Variants in C1QTNF7 observed in about 807,000 individuals in gnomAD.
C1QTNF7 encodes the protein complement C1q tumor necrosis factor-related protein 7.
Under a neutral mutation model 19.6 loss-of-function variants are expected in C1QTNF7, and 15 were observed. That is an observed-to-expected ratio of 0.76 (90% CI 0.51 to 1.18). C1QTNF7 has a LOEUF of 1.18. C1QTNF7 is among the 50% of genes most tolerant of loss of function. C1QTNF7 has a pLI of 0.00. For synonymous variants in C1QTNF7, 142 were observed against 137.5 expected, an observed-to-expected ratio of 1.03 and a Z score of -0.23; for missense variants, 324 against 359.7, an observed-to-expected ratio of 0.90 and a Z score of 0.80.
rs75190848 is a variant in C1QTNF7 at position 15,351,215 on chromosome 4, T to G, written c.13+11008T>G. The stretch of plus-strand genomic sequence containing the variant: ...GCAAAGTATTGTTAAAATCATAAAA[T>G]ATAAGATTTTCTTTTCTGTCTTCTT... On this transcript the variant is annotated intron_variant, in intron 1 of 2. Coordinates refer to the C1QTNF7 transcript ENST00000295297. Among the ~76,000 whole-genome samples, 821 of 152,276 alleles carry G rather than the reference T, an allele frequency of 5.4e-3. 7 individuals are homozygous for G. The highest frequency in any genetic ancestry group is 0.019 in the African/African-American group (779 of 41,568).
intron 2 of C1QTNF7, among the ~76,000 whole-genome samples, chr4:15,439,202 C>T (rs1383499613): frequency 5.3e-5 from 8 of 152,186 alleles, no homozygotes; most frequent in African/African-American, 1.9e-4. Context: ...ATTCTTCATA[C>T]AAACAGGAAG....
At chr4:15,370,151 AG>A (rs1042969228) in intron 1 of C1QTNF7, among the ~76,000 whole-genome samples, 14 of 152,184 alleles carry the variant, frequency 9.2e-5, no homozygotes, top group African/African-American at 2.9e-4. Context: ...TGAAGAGGCT[AG>A]GGTATTTTTG....
At chr4:15,380,144 A>G (rs1442752944) in intron 1 of C1QTNF7, among the ~76,000 whole-genome samples, 2 of 152,232 alleles carry the variant, frequency 1.3e-5, no homozygotes, top group African/African-American at 4.8e-5. Context: ...GCAAACTACA[A>G]ATTGGGACAA....
chr4:15,377,337 T>C (rs1226841769), intron 1 of C1QTNF7, among the ~76,000 whole-genome samples: 1 of 152,202 alleles, frequency 6.6e-6, no homozygotes, highest in Non-Finnish European at 1.5e-5. Flanking sequence ...TCTTCAACTT[T>C]TGGCCCATGT....
chr4:15,385,932 C>T (rs1001134381), intron 1 of C1QTNF7, among the ~76,000 whole-genome samples: 5 of 152,172 alleles, frequency 3.3e-5, no homozygotes, highest in Non-Finnish European at 5.9e-5. Context: ...CATCATAACA[C>T]GATAATAAAA....
At chr4:15,436,040 C>T (rs1055917653) in intron 2 of C1QTNF7, 59 bp downstream of exon 2, 8 of 1,549,968 alleles carry the variant, frequency 5.2e-6, no homozygotes, top group Non-Finnish European at 6.1e-6. Flanking sequence ...AAACTGTTCC[C>T]CTTTCTTTGT....
chr4:15,410,723 TTAAAC>T (rs1335202103), intron 1 of C1QTNF7, among the ~76,000 whole-genome samples: 2 of 152,204 alleles, frequency 1.3e-5, no homozygotes, highest in Non-Finnish European at 2.9e-5. Flanking sequence ...GATTATGGTA[TTAAAC>T]TAACTAGGTG....
At chr4:15,360,619 A>C (rs1717307505) in intron 1 of C1QTNF7, among the ~76,000 whole-genome samples, 1 of 152,182 alleles carries the variant, frequency 6.6e-6, no homozygotes, top group Non-Finnish European at 1.5e-5. Context: ...CAAAAAGTAC[A>C]AAAATGCAAG....
chr4:15,391,389 G>T (rs907964023), intron 1 of C1QTNF7, among the ~76,000 whole-genome samples: 7 of 152,054 alleles, frequency 4.6e-5, no homozygotes, highest in African/African-American at 1.7e-4. Flanking sequence ...TGAAGATGCT[G>T]GAGCATGGGT....
At chr4:15,343,014 G>C (rs1716596901) in intron 1 of C1QTNF7, among the ~76,000 whole-genome samples, 1 of 152,154 alleles carries the variant, frequency 6.6e-6, no homozygotes, top group African/African-American at 2.4e-5. Flanking sequence ...GATTAAATTA[G>C]AGAGTCTGTG....
rs576600688 is a variant in C1QTNF7, at chr4:15,366,054, A to G, written c.13+25847A>G. Reference sequence around the variant, plus strand: ...ATGTCCACTACAGTGTACACAATGTAACACAGATCCCAGCACATGGAAGAT... The same window carrying G: ...ATGTCCACTACAGTGTACACAATGTGACACAGATCCCAGCACATGGAAGAT... On this transcript the variant is annotated intron_variant, in intron 1 of 2. Coordinates refer to the C1QTNF7 transcript ENST00000295297. Among the ~76,000 whole-genome samples the G allele has an allele frequency of 2.6e-5, 4 of 152,314 alleles. No homozygotes were observed. In the South Asian group the frequency reaches 8.3e-4, roughly 32 times the overall value.
chr4:15,380,317 G>T (rs547780452), intron 1 of C1QTNF7, among the ~76,000 whole-genome samples: 2 of 152,322 alleles, frequency 1.3e-5, no homozygotes, highest in South Asian at 4.1e-4. Flanking sequence ...CCCAGAGGAA[G>T]GTCTAAGAAT....
At position 15,348,586 on chromosome 4, in the gene C1QTNF7, C is replaced by T. The variant is rs1199879671; in HGVS notation, c.13+8379C>T. Among the ~76,000 whole-genome samples, 7 of 152,202 alleles carry T rather than the reference C, an allele frequency of 4.6e-5. No individual in the cohort carries two copies. In the East Asian group the frequency reaches 1.4e-3, roughly 30 times the overall value. On this transcript the variant is annotated intron_variant, in intron 1 of 2. Transcript: ENST00000295297. ...ATCAGTAAATAGGCAGGGCAGAGAC[C>T]CCAGAGACTTAGGTTGCATGCCTTA...
intron 1 of C1QTNF7, among the ~76,000 whole-genome samples, chr4:15,392,192 A>G (rs540364174): frequency 4.7e-4 from 72 of 152,286 alleles, no homozygotes; most frequent in African/African-American, 1.6e-3. Context: ...CTGAATTCCT[A>G]AACCCTCCAT....
At chr4:15,344,158 G>A (rs1716637880) in intron 1 of C1QTNF7, among the ~76,000 whole-genome samples, 1 of 152,242 alleles carries the variant, frequency 6.6e-6, no homozygotes, top group Admixed American at 6.5e-5. Flanking sequence ...CAAAGTGCAT[G>A]CATATGGTGC....
Position 15,435,875 on chromosome 4 carries a change from G to T in C1QTNF7, c.132G>T (p.Gly44=), listed in dbSNP as rs140262683. 3.3e-5 allele frequency: 53 copies of T among 1,613,898 alleles called. No individual in the cohort carries two copies. The African/African-American group carries it at 5.7e-4, about 17-fold the overall frequency. The change falls in exon 2 of 3, where the codon GGG becomes GGT. Residue 44 remains glycine (G), a synonymous_variant. Coordinates refer to ENST00000444304, the MANE Select transcript of C1QTNF7 (RefSeq NM_031911.5). ...CSIPGLPGPP[G]PPGANGSPGP... is the part of the protein sequence containing the mutation. ...TTCCTGGCTTGCCTGGACCTCCAGG[G>T]CCCCCTGGAGCAAATGGTTCCCCTG...
chr4:15,362,583 TA>T (rs1353328830), intron 1 of C1QTNF7: 1 of 152,208 alleles, frequency 6.6e-6, no homozygotes, highest in African/African-American at 2.4e-5. Flanking sequence ...AATAAGTGAT[TA>T]AAAAATTATA....
At chr4:15,430,571 T>G (rs1712257456) in intron 1 of C1QTNF7, among the ~76,000 whole-genome samples, 1 of 152,214 alleles carries the variant, frequency 6.6e-6, no homozygotes, top group South Asian at 2.1e-4. Context: ...AGTCTTTAAT[T>G]GGATTGTGAT....
At chr4:15,378,209 G>C (rs1283966010) in intron 1 of C1QTNF7, among the ~76,000 whole-genome samples, 1 of 152,168 alleles carries the variant, frequency 6.6e-6, no homozygotes, top group Non-Finnish European at 1.5e-5. Context: ...TCATAAGAAA[G>C]ACAAAACGAA....
Sources: gnomAD v4.1 joint callset for allele counts (sites outside exome capture counted in the v4.1 genomes callset) on GRCh38, gnomAD v4.1.1 for gene constraint, MANE v1.5 for transcripts, NCBI Gene and HGNC (gene_info 2026-07-23, HGNC 2026-07-21) for gene names.